CLEC16A: variants seen among roughly 807,000 people sequenced by gnomAD.
CLEC16A encodes the protein C-type lectin domain containing 16A.
Under a neutral mutation model 109.5 loss-of-function variants are expected in CLEC16A, and 51 were observed. The ratio of observed to expected loss-of-function variants is 0.47; its 90% CI spans 0.37 to 0.59. The LOEUF is 0.59. Among genes scored for constraint, CLEC16A ranks in the 20% least tolerant of loss-of-function variants. The pLI, the probability that CLEC16A is intolerant of heterozygous loss-of-function variation, is 0.00. For missense variants in CLEC16A, 1,339 were observed against 1,394.0 expected, an observed-to-expected ratio of 0.96 and a Z score of 0.63; for synonymous variants, 673 against 564.2, an observed-to-expected ratio of 1.19 and a Z score of -2.73.
chr16:11,023,851 G>A (rs970781720), intron 12 of CLEC16A, among the ~76,000 whole-genome samples: 3 of 152,200 alleles, frequency 2.0e-5, no homozygotes, highest in African/African-American at 7.2e-5. Context: ...GGCATTCAGA[G>A]GGGGCAGCCA....
chr16:10,955,060 G>A (rs2041923190), intron 1 of CLEC16A, among the ~76,000 whole-genome samples: 1 of 152,210 alleles, frequency 6.6e-6, no homozygotes, highest in African/African-American at 2.4e-5. Context: ...TCCCACCACT[G>A]TGTAGAATCT....
intron 19 of CLEC16A, among the ~76,000 whole-genome samples, chr16:11,085,920 C>T (rs186824521): frequency 2.6e-5 from 4 of 152,202 alleles, no homozygotes; most frequent in East Asian, 3.9e-4. Flanking sequence ...TGAGATTGGG[C>T]GGGGACAAAC....
At position 10,961,895 on chromosome 16, in the gene CLEC16A, T is replaced by C. The variant is rs545393342; in HGVS notation, c.210-560T>C. 2.4e-4 allele frequency among the ~76,000 whole-genome samples: 37 copies of C among 152,268 alleles called. 1 individual carries two copies. In the Middle Eastern group the frequency reaches 0.01, roughly 42 times the overall value. On this transcript the variant is annotated intron_variant, in intron 2 of 23. Transcript: ENST00000409790. The surrounding 1 kb of genome is among the most constrained non-coding windows in gnomAD (Gnocchi z 4.3). ...AAATGGGTTTGTCTCACTTTTCTCA[T>C]GATTAAACTGGCAGTTAAGGGGAAG...
chr16:10,945,691 G>T (rs777920132), intron 1 of CLEC16A, among the ~76,000 whole-genome samples: 23 of 152,154 alleles, frequency 1.5e-4, no homozygotes, highest in Non-Finnish European at 2.8e-4. Flanking sequence ...GACCCAGTAG[G>T]TACATAGTAG....
intron 12 of CLEC16A, among the ~76,000 whole-genome samples, chr16:11,022,987 G>C (rs961381526): frequency 4.0e-5 from 6 of 148,492 alleles, no homozygotes; most frequent in Non-Finnish European, 8.9e-5. Context: ...AAAAAAAAAA[G>C]TTTAAAATTA....
chr16:11,039,945 T>C, intron 14 of CLEC16A, 69 bp downstream of exon 14: 1 of 1,554,548 alleles, frequency 6.4e-7, no homozygotes, highest in Non-Finnish European at 8.7e-7. Flanking sequence ...ACTGGGAGCC[T>C]GAGCCCTGGG....
chr16:10,953,774 A>T (rs1472133818), intron 1 of CLEC16A, among the ~76,000 whole-genome samples: 2 of 152,226 alleles, frequency 1.3e-5, no homozygotes, highest in Non-Finnish European at 2.9e-5. Flanking sequence ...CAGGAGATCG[A>T]GACCATCCTG....
chr16:11,045,179 A>G (rs1265990615), intron 16 of CLEC16A, among the ~76,000 whole-genome samples: 6 of 151,344 alleles, frequency 4.0e-5, no homozygotes, highest in African/African-American at 1.5e-4. Context: ...CCCTGTCTTT[A>G]CTAAGAAATA....
chr16:10,990,761 T>G (rs2043958069), intron 10 of CLEC16A, among the ~76,000 whole-genome samples: 1 of 152,220 alleles, frequency 6.6e-6, no homozygotes, highest in Admixed American at 6.5e-5. Context: ...GGGGACCTTT[T>G]CTGATTGCGT....
intron 13 of CLEC16A, among the ~76,000 whole-genome samples, chr16:11,031,160 CTCAG>C (rs1297541271): frequency 2.0e-5 from 3 of 152,178 alleles, no homozygotes; most frequent in African/African-American, 7.2e-5. Context: ...CCGCCTGGCA[CTCAG>C]TCAGTGCTCA....
chr16:11,124,919 T>G (rs2052694440), intron 21 of CLEC16A, among the ~76,000 whole-genome samples: 1 of 152,148 alleles, frequency 6.6e-6, no homozygotes, highest in Non-Finnish European at 1.5e-5. Context: ...AGACCCTGTC[T>G]CTACAAAGAA....
At chr16:11,104,816 C>G (rs1203412433) in intron 19 of CLEC16A, among the ~76,000 whole-genome samples, 2 of 152,234 alleles carry the variant, frequency 1.3e-5, no homozygotes, top group South Asian at 2.1e-4. Flanking sequence ...GCCCAGTACC[C>G]GACACACAGT....
At chr16:11,167,165 G>T (rs181849284) in intron 23 of CLEC16A, among the ~76,000 whole-genome samples, 178 of 152,278 alleles carry the variant, frequency 1.2e-3, no homozygotes, top group African/African-American at 3.8e-3. Context: ...CTCGGCTGCC[G>T]TGAGCTATTC....
rs2068941862 is a variant in CLEC16A, at chr16:11,181,128, G to A, written c.*2438G>A. ...TTTGCTTATGTAAGGAGGTCTGGGA[G>A]CCAGCCCATTGGAGGCCACCAGCCA... On this transcript the variant is annotated 3_prime_UTR_variant, in exon 24 of 24. Coordinates refer to ENST00000409790, the MANE Select transcript of CLEC16A (RefSeq NM_015226.3). The A allele has an allele frequency of 2.0e-5, 3 of 152,180 alleles. No individual in the cohort carries two copies. The highest frequency in any genetic ancestry group is 2.0e-4 in the Admixed American group (3 of 15,284). The allele number at this position is 152,180 out of a possible 1,614,324, so 9.4% of individuals were successfully genotyped here. A position where few individuals can be genotyped will look rare whatever the true frequency, so the allele number is the denominator to read the frequency against.
At chr16:11,173,251 G>A (rs1374363517) in intron 23 of CLEC16A, among the ~76,000 whole-genome samples, 6 of 152,058 alleles carry the variant, frequency 3.9e-5, no homozygotes, top group East Asian at 1.9e-4. Flanking sequence ...GGTAACATAC[G>A]GGTAACATAA....
At chr16:10,993,463 TTA>T (rs1327672221) in intron 10 of CLEC16A, among the ~76,000 whole-genome samples, 1 of 152,170 alleles carries the variant, frequency 6.6e-6, no homozygotes, top group Non-Finnish European at 1.5e-5. Context: ...CGAGGTGGTG[TTA>T]TTGTCACACG....
chr16:11,041,992 C>T (rs2047362027), intron 14 of CLEC16A: 1 of 438,104 alleles, frequency 2.3e-6, no homozygotes, highest in African/African-American at 2.0e-5. Context: ...TGTTTAGTCA[C>T]CCTCTTTTTC....
At position 11,166,450 on chromosome 16, in the gene CLEC16A, C is replaced by A; in HGVS notation, c.2704C>A (p.Pro902Thr). The A allele has an allele frequency of 6.2e-7, 1 of 1,607,780 alleles. No homozygotes were observed. The highest frequency in any genetic ancestry group is 8.5e-7 in the Non-Finnish European group (1 of 1,179,794). Reference protein sequence around the residue: ...SSPSLSSQSPPSASGSPSGSG... With the variant: ...SSPSLSSQSPTSASGSPSGSG... ...CCCGTCCCTGTCCTCACAGTCGCCA[C>A]CCTCCGCCAGCGGGAGCCCCAGCGG... The change falls in exon 23 of 24, where the codon CCC becomes ACC. Residue 902 changes from proline (P) to threonine (T), a missense_variant. Pro to Thr is a conservative substitution (Grantham distance 38, BLOSUM62 -1). Around this residue, in one of 3 missense-constraint regions of CLEC16A, gnomAD observed 1,061 missense variants for 1,006.8 expected, o/e 1.05. Transcript: ENST00000409790.
At chr16:11,047,267 C>T (rs982325229) in intron 16 of CLEC16A, 25 bp from the exon 17 acceptor site, 2 of 1,595,790 alleles carry the variant, frequency 1.3e-6, no homozygotes, top group Non-Finnish European at 8.6e-7. Context: ...ATAATCTCCT[C>T]TTCCCTCCCT....
Sources: gnomAD v4.1 joint callset for allele counts (sites outside exome capture counted in the v4.1 genomes callset) on GRCh38, gnomAD v4.1.1 for gene constraint, gnomAD v4.1.1 regional missense constraint, Gnocchi (gnomAD v3.1) non-coding constraint, MANE v1.5 for transcripts, NCBI Gene and HGNC (gene_info 2026-07-23, HGNC 2026-07-21) for gene names.